The following PDE10A variants were observed in gnomAD, a reference collection of about 807,000 sequenced individuals.
PDE10A encodes the protein phosphodiesterase 10A.
Under a neutral mutation model 97.7 loss-of-function variants are expected in PDE10A, and 39 were observed. The ratio of observed to expected loss-of-function variants is 0.40; its 90% CI spans 0.31 to 0.52. PDE10A has a LOEUF of 0.52. Ranked by LOEUF, PDE10A falls within the 20% of genes least tolerant of loss-of-function variation. The probability of loss-of-function intolerance (pLI) is 0.56; values close to 1 mark genes in which losing one functional copy is unlikely to be tolerated. For missense variants in PDE10A, 731 were observed against 1,047.8 expected (o/e 0.70, Z 4.17); for synonymous variants, 371 against 376.8 (o/e 0.98, Z 0.18).
chr6:165,606,909 T>A (rs1397684893), intron 1 of PDE10A, among the ~76,000 whole-genome samples: 1 of 152,154 alleles, frequency 6.6e-6, no homozygotes, highest in Non-Finnish European at 1.5e-5. Context: ...GGAGCCCAGA[T>A]GATCAATATG....
chr6:165,723,339 C>T (rs754891460), intron 1 of PDE10A, among the ~76,000 whole-genome samples: 2 of 152,178 alleles, frequency 1.3e-5, no homozygotes, highest in South Asian at 4.1e-4. Flanking sequence ...CTTCCTCAGC[C>T]CTTTATTTTC....
At chr6:165,963,229 T>C (rs1174634391) in intron 1 of PDE10A, among the ~76,000 whole-genome samples, 1 of 152,220 alleles carries the variant, frequency 6.6e-6, no homozygotes, top group Non-Finnish European at 1.5e-5. Flanking sequence ...AGAGCAAATA[T>C]GTTCTTAATC....
rs565468118 is a variant in PDE10A at position 165,534,616 on chromosome 6, A to G, written c.994+8824T>C. On this transcript the variant is annotated intron_variant, in intron 2 of 21. Coordinates refer to ENST00000539869, the MANE Select transcript of PDE10A (RefSeq NM_001385079.1). The stretch of plus-strand genomic sequence containing the variant: ...CATTCATCATAATTAAGCGGGATTC[A>G]TATCTAAACATGTAAAGATGGTTTC... Among the ~76,000 whole-genome samples the G allele has an allele frequency of 1.7e-4, 26 of 152,214 alleles. No homozygotes were observed. The South Asian group carries it at 2.3e-3, about 13-fold the overall frequency.
intron 1 of PDE10A, among the ~76,000 whole-genome samples, chr6:165,589,268 T>C (rs1420510603): frequency 6.6e-6 from 1 of 152,158 alleles, no homozygotes; most frequent in Non-Finnish European, 1.5e-5. Context: ...GTATCAGCTG[T>C]ATAAGGTCCC....
intron 1 of PDE10A, among the ~76,000 whole-genome samples, chr6:165,617,793 G>A (rs1382809654): frequency 6.6e-6 from 1 of 152,122 alleles, no homozygotes; most frequent in Non-Finnish European, 1.5e-5. Context: ...TAAGAGCAGG[G>A]TAAACCCAAC....
chr6:165,907,371 C>T (rs1199627542), intron 1 of PDE10A, among the ~76,000 whole-genome samples: 1 of 152,192 alleles, frequency 6.6e-6, no homozygotes, highest in Non-Finnish European at 1.5e-5. Context: ...GAGGGGTGGG[C>T]GAGAGCCTCC....
At chr6:165,585,356 C>G (rs1042545975) in intron 1 of PDE10A, among the ~76,000 whole-genome samples, 2 of 152,178 alleles carry the variant, frequency 1.3e-5, no homozygotes, top group African/African-American at 4.8e-5. Flanking sequence ...CCCAGCAACT[C>G]ATTCAAATAC....
chr6:165,439,962 T>G (rs1227167661), intron 5 of PDE10A, among the ~76,000 whole-genome samples: 5 of 152,224 alleles, frequency 3.3e-5, no homozygotes, highest in Admixed American at 3.3e-4. Context: ...TTTCTTTCCA[T>G]GCACAATTCA....
intron 1 of PDE10A, among the ~76,000 whole-genome samples, chr6:165,642,902 T>C (rs775416920): frequency 1.7e-3 from 252 of 148,686 alleles, no homozygotes; most frequent in Non-Finnish European, 3.4e-3. Context: ...TGATGTATGT[T>C]CTCACATTTT....
At position 165,339,270 on chromosome 6, in the gene PDE10A, A is replaced by G; in HGVS notation, c.2976+8T>C. On this transcript the variant is annotated splice_region_variant and intron_variant, in intron 20 of 21. Coordinates refer to ENST00000539869, the MANE Select transcript of PDE10A (RefSeq NM_001385079.1). ...TTAGCAATTACAATTTACTTTAATA[A>G]TTCATACCTGGCCTTGGGGGACTTC... 6.5e-7 allele frequency: 1 copy of G among 1,534,034 alleles called. No individual in the cohort carries two copies. Among genetic ancestry groups the G allele is most frequent in the Non-Finnish European group, 9.0e-7 (1 of 1,107,748 alleles).
intron 1 of PDE10A, among the ~76,000 whole-genome samples, chr6:165,897,520 G>A (rs1214345478): frequency 6.6e-6 from 1 of 152,048 alleles, no homozygotes; most frequent in East Asian, 1.9e-4. Context: ...AGGGATGGCT[G>A]TGGCACACTG....
intron 4 of PDE10A, 128 bp downstream of exon 4, chr6:165,450,114 G>T: frequency 1.6e-6 from 1 of 639,772 alleles, no homozygotes; most frequent in Non-Finnish European, 2.7e-6. Context: ...ATTTTCACTT[G>T]AAATTTAGTC....
At chr6:165,715,590 G>A (rs187582454) in intron 1 of PDE10A, among the ~76,000 whole-genome samples, 5 of 152,244 alleles carry the variant, frequency 3.3e-5, no homozygotes, top group Admixed American at 2.0e-4. Context: ...AGGGAGACAC[G>A]CACCCATGCA....
chr6:165,768,434 T>G (rs1412985942), intron 1 of PDE10A, among the ~76,000 whole-genome samples: 19 of 152,158 alleles, frequency 1.2e-4, no homozygotes, highest in Non-Finnish European at 1.5e-5. Flanking sequence ...CTTTGATCTA[T>G]TTTGAGTAAC....
chr6:165,371,534 G>T (rs1283999150), intron 18 of PDE10A, among the ~76,000 whole-genome samples: 1 of 152,030 alleles, frequency 6.6e-6, no homozygotes, highest in Non-Finnish European at 1.5e-5. Flanking sequence ...CCAGGAAGAA[G>T]TTGAATCTCT....
intron 1 of PDE10A, among the ~76,000 whole-genome samples, chr6:165,772,929 A>T (rs976637868): frequency 1.3e-5 from 2 of 152,240 alleles, no homozygotes; most frequent in African/African-American, 4.8e-5. Flanking sequence ...GTTACCAGTG[A>T]GTGTTTAAAA....
At chr6:165,570,956 A>C (rs1785021719) in intron 1 of PDE10A, among the ~76,000 whole-genome samples, 1 of 152,224 alleles carries the variant, frequency 6.6e-6, no homozygotes, top group East Asian at 1.9e-4. Context: ...AATGACAGTG[A>C]AAACACTGTG....
chr6:165,881,000 G>A (rs1259650744), intron 1 of PDE10A, among the ~76,000 whole-genome samples: 1 of 152,176 alleles, frequency 6.6e-6, no homozygotes, highest in Admixed American at 6.5e-5. Flanking sequence ...AGCCTTCTGT[G>A]TAGTTTCATA....
At chr6:165,679,009 A>T (rs1209266358) in intron 1 of PDE10A, among the ~76,000 whole-genome samples, 2 of 152,218 alleles carry the variant, frequency 1.3e-5, no homozygotes. Flanking sequence ...GATTTAATTC[A>T]TGTGGAGGTT....
Sources: allele counts gnomAD v4.1 joint callset (sites outside exome capture counted in the v4.1 genomes callset), GRCh38; gene constraint gnomAD v4.1.1; transcripts MANE v1.5; gene names NCBI Gene and HGNC (gene_info 2026-07-23, HGNC 2026-07-21).